Variants in HCN1 observed in about 807,000 individuals in gnomAD.
The protein encoded by HCN1 is potassium/sodium hyperpolarization-activated cyclic nucleotide-gated channel 1.
A neutral mutation model predicts 78.9 loss-of-function variants in HCN1; 13 were observed. The ratio of observed to expected loss-of-function variants is 0.16; its 90% CI spans 0.11 to 0.26. The LOEUF (loss-of-function observed/expected upper bound fraction) is 0.26. Ranked by LOEUF, HCN1 falls within the 10% of genes least tolerant of loss-of-function variation. The pLI, the probability that HCN1 is intolerant of heterozygous loss-of-function variation, is 1.00. For missense variants in HCN1, 810 were observed against 1,154.3 expected (o/e 0.70, Z 4.32); for synonymous variants, 552 against 455.5 (o/e 1.21, Z -2.70).
intron 2 of HCN1, among the ~76,000 whole-genome samples, chr5:45,556,245 G>A (rs893706317): frequency 2.6e-5 from 4 of 151,776 alleles, no homozygotes; most frequent in Non-Finnish European, 4.4e-5. Context: ...GAACAGCAAA[G>A]GAAACAATCA....
At chr5:45,492,043 T>A (rs1334666957) in intron 2 of HCN1, among the ~76,000 whole-genome samples, 3 of 152,226 alleles carry the variant, frequency 2.0e-5, no homozygotes, top group Non-Finnish European at 4.4e-5. Flanking sequence ...AAATTTTAGA[T>A]AATCACTGAA....
intron 2 of HCN1, among the ~76,000 whole-genome samples, chr5:45,571,469 G>A (rs114142151): frequency 1.3e-5 from 2 of 152,178 alleles, no homozygotes; most frequent in African/African-American, 2.4e-5. Context: ...TAGATGAAAC[G>A]CCAAAATAGA....
At chr5:45,481,347 G>C (rs1741647153) in intron 2 of HCN1, among the ~76,000 whole-genome samples, 1 of 152,106 alleles carries the variant, frequency 6.6e-6, no homozygotes, top group African/African-American at 2.4e-5. Flanking sequence ...TTCTAATCTT[G>C]GTTTCAAACT....
intron 2 of HCN1, among the ~76,000 whole-genome samples, chr5:45,537,106 C>A (rs1742981402): frequency 6.6e-6 from 1 of 152,180 alleles, no homozygotes; most frequent in Non-Finnish European, 1.5e-5. Context: ...AAGGTATGCC[C>A]TCTGACAGCC....
At chr5:45,683,582 T>C (rs1030857567) in intron 1 of HCN1, among the ~76,000 whole-genome samples, 1 of 152,066 alleles carries the variant, frequency 6.6e-6, no homozygotes, top group East Asian at 1.9e-4. Context: ...CTAAACCAGT[T>C]GTTTATAGAG....
chr5:45,364,428 A>G (rs1413942274), intron 4 of HCN1, among the ~76,000 whole-genome samples: 1 of 146,466 alleles, frequency 6.8e-6, no homozygotes, highest in Non-Finnish European at 1.5e-5. Context: ...TTTTTCCTGC[A>G]TGTCTTCAAG....
intron 2 of HCN1, among the ~76,000 whole-genome samples, chr5:45,472,658 G>GA (rs1391717643): frequency 7.2e-6 from 1 of 139,512 alleles, no homozygotes; most frequent in Non-Finnish European, 1.5e-5. Flanking sequence ...AAAGGAGAGG[G>GA]GGGAGATCCC....
chr5:45,372,016 A>AATATATATAATATAATTATATATATATT (rs1456287763), intron 4 of HCN1, among the ~76,000 whole-genome samples: 6 of 64,656 alleles, frequency 9.3e-5, no homozygotes, highest in African/African-American at 1.4e-4. Flanking sequence ...TATATCATAT[A>AATATATATAATATAATTATATATATATT]ATATATATAA....
chr5:45,544,245 C>G (rs1743162618), intron 2 of HCN1, among the ~76,000 whole-genome samples: 1 of 151,920 alleles, frequency 6.6e-6, no homozygotes, highest in Non-Finnish European at 1.5e-5. Context: ...TAAAGTAGTA[C>G]AAAGTTCAGA....
chr5:45,621,745 T>C (rs1745066334), intron 2 of HCN1, among the ~76,000 whole-genome samples: 1 of 152,126 alleles, frequency 6.6e-6, no homozygotes, highest in South Asian at 2.1e-4. Context: ...CCAAAAAACA[T>C]AACGAATCTA....
At chr5:45,359,322 T>G (rs1336386168) in intron 4 of HCN1, among the ~76,000 whole-genome samples, 1 of 151,602 alleles carries the variant, frequency 6.6e-6, no homozygotes, top group Non-Finnish European at 1.5e-5. Context: ...AGAGGGAACT[T>G]TAAGTTCATG....
intron 4 of HCN1, among the ~76,000 whole-genome samples, chr5:45,375,273 T>C (rs1296385630): frequency 8.4e-6 from 1 of 118,570 alleles, no homozygotes; most frequent in Non-Finnish European, 1.6e-5. Context: ...TTATAATATA[T>C]AATATATTAT....
chr5:45,372,061 T>C (rs1375733162), intron 4 of HCN1, among the ~76,000 whole-genome samples: 2 of 56,468 alleles, frequency 3.5e-5, no homozygotes, highest in Non-Finnish European at 5.5e-5. Flanking sequence ...ATAATATAAT[T>C]ATATTATATA....
At chr5:45,450,083 G>A (rs1379997817) in intron 3 of HCN1, among the ~76,000 whole-genome samples, 11 of 152,078 alleles carry the variant, frequency 7.2e-5, no homozygotes, top group African/African-American at 1.7e-4. Flanking sequence ...CGCCTGCCTC[G>A]GCCTCCCAAA....
chr5:45,565,719 G>A (rs1743695745), intron 2 of HCN1, among the ~76,000 whole-genome samples: 1 of 151,986 alleles, frequency 6.6e-6, no homozygotes, highest in African/African-American at 2.4e-5. Context: ...TGGGAGGATG[G>A]TTTGTTCCCT....
chr5:45,369,885 T>C (rs1747317675), intron 4 of HCN1, among the ~76,000 whole-genome samples: 1 of 152,086 alleles, frequency 6.6e-6, no homozygotes, highest in Non-Finnish European at 1.5e-5. Flanking sequence ...CCTCTAGGAA[T>C]AAATAATGTT....
intron 5 of HCN1, among the ~76,000 whole-genome samples, chr5:45,345,941 T>A (rs763662117): frequency 6.6e-6 from 1 of 152,228 alleles, no homozygotes; most frequent in Non-Finnish European, 1.5e-5. Flanking sequence ...AAATGAGTTA[T>A]TCATAAAGGA....
At chr5:45,599,034 T>C (rs1032481293) in intron 2 of HCN1, among the ~76,000 whole-genome samples, 1 of 152,150 alleles carries the variant, frequency 6.6e-6, no homozygotes, top group South Asian at 2.1e-4. Context: ...GAACTAGAAA[T>C]ACCATTTGAC....
chr5:45,266,743 C>T (rs1744866553), intron 7 of HCN1, among the ~76,000 whole-genome samples: 2 of 148,996 alleles, frequency 1.3e-5, no homozygotes, highest in Non-Finnish European at 3.0e-5. Context: ...AGGTTTCACT[C>T]TCTCTCCCAG....
Sources: allele counts gnomAD v4.1 joint callset (sites outside exome capture counted in the v4.1 genomes callset), GRCh38; gene constraint gnomAD v4.1.1; transcripts MANE v1.5; gene names NCBI Gene and HGNC (gene_info 2026-07-23, HGNC 2026-07-21).